SLC24A3: variants seen among roughly 807,000 people sequenced by gnomAD.
SLC24A3 encodes the protein sodium/potassium/calcium exchanger 3.
SLC24A3 carries 28 observed loss-of-function variants against 75.8 expected under a neutral mutation model. The observed-to-expected ratio is 0.37, with a 90% CI of 0.27 to 0.51. The LOEUF (loss-of-function observed/expected upper bound fraction) is 0.51. Ranked by LOEUF, SLC24A3 falls within the 20% of genes least tolerant of loss-of-function variation. The pLI, the probability that SLC24A3 is intolerant of heterozygous loss-of-function variation, is 0.94. For synonymous variants in SLC24A3, 372 were observed against 334.1 expected (o/e 1.11, Z -1.24); for missense variants, 663 against 847.8 (o/e 0.78, Z 2.71).
At chr20:19,692,416 C>T (rs1324547078) in intron 12 of SLC24A3, among the ~76,000 whole-genome samples, 2 of 152,178 alleles carry the variant, frequency 1.3e-5, no homozygotes, top group Non-Finnish European at 2.9e-5. Context: ...AATCGTAGCA[C>T]ATTCATAGGA....
chr20:19,452,025 T>C (rs1987490134), intron 2 of SLC24A3, among the ~76,000 whole-genome samples: 1 of 152,218 alleles, frequency 6.6e-6, no homozygotes, highest in Non-Finnish European at 1.5e-5. Context: ...GTGGCTATTT[T>C]CAGAAGCTCA....
intron 3 of SLC24A3, among the ~76,000 whole-genome samples, chr20:19,565,638 C>A (rs2030945300): frequency 6.6e-6 from 1 of 152,176 alleles, no homozygotes; most frequent in Admixed American, 6.5e-5. Context: ...TACTTCTGAG[C>A]AACCCAACCA....
At chr20:19,234,642 C>T (rs1982112807) in intron 1 of SLC24A3, among the ~76,000 whole-genome samples, 1 of 152,136 alleles carries the variant, frequency 6.6e-6, no homozygotes, top group Non-Finnish European at 1.5e-5. Flanking sequence ...TGGATGGTGG[C>T]TTTGCTGACT....
chr20:19,414,208 G>A (rs1986792121), intron 2 of SLC24A3, among the ~76,000 whole-genome samples: 1 of 152,138 alleles, frequency 6.6e-6, no homozygotes, highest in Non-Finnish European at 1.5e-5. Flanking sequence ...CTCAGGAGAG[G>A]CACAGATTTT....
At chr20:19,486,025 TG>T (rs1353914651) in intron 2 of SLC24A3, among the ~76,000 whole-genome samples, 1 of 151,992 alleles carries the variant, frequency 6.6e-6, no homozygotes, top group Non-Finnish European at 1.5e-5. Flanking sequence ...AGCTGCAGTG[TG>T]GGGGTGTGGG....
intron 2 of SLC24A3, among the ~76,000 whole-genome samples, chr20:19,377,196 A>C (rs1986098978): frequency 1.3e-5 from 2 of 152,114 alleles, no homozygotes; most frequent in African/African-American, 4.8e-5. Context: ...TCCACATGAA[A>C]ATTTGAACGT....
chr20:19,336,197 C>T (rs1190221776), intron 2 of SLC24A3, among the ~76,000 whole-genome samples: 5 of 152,080 alleles, frequency 3.3e-5, no homozygotes, highest in African/African-American at 9.7e-5. Context: ...GGCCAGGGCT[C>T]GGGAAACTAC....
intron 2 of SLC24A3, among the ~76,000 whole-genome samples, chr20:19,355,959 T>C (rs1024156241): frequency 2.6e-5 from 4 of 152,162 alleles, no homozygotes; most frequent in African/African-American, 9.7e-5. Context: ...AACATATGTA[T>C]TTTGCTCAAT....
At chr20:19,676,188 T>C (rs540581087) in intron 9 of SLC24A3, among the ~76,000 whole-genome samples, 5 of 152,338 alleles carry the variant, frequency 3.3e-5, no homozygotes, top group African/African-American at 1.2e-4. Context: ...ATGCATCTTA[T>C]AGCCACTGCT....
intron 1 of SLC24A3, among the ~76,000 whole-genome samples, chr20:19,258,687 G>T (rs1177982574): frequency 6.6e-6 from 1 of 151,728 alleles, no homozygotes; most frequent in Non-Finnish European, 1.5e-5. Context: ...GGGTGACAGA[G>T]TGAGACTCTG....
At chr20:19,672,723 G>A (rs190039129) in intron 8 of SLC24A3, among the ~76,000 whole-genome samples, 3 of 152,258 alleles carry the variant, frequency 2.0e-5, no homozygotes, top group Non-Finnish European at 2.9e-5. Flanking sequence ...CTTCCTTCCA[G>A]CTTTTCACTT....
intron 1 of SLC24A3, among the ~76,000 whole-genome samples, chr20:19,272,927 T>C (rs1286827029): frequency 6.6e-6 from 1 of 152,102 alleles, no homozygotes; most frequent in Non-Finnish European, 1.5e-5. Context: ...GGACAGGTTT[T>C]TGTGAAGGAA....
intron 1 of SLC24A3, among the ~76,000 whole-genome samples, chr20:19,221,360 C>T (rs77706773): frequency 6.6e-5 from 10 of 152,290 alleles, no homozygotes; most frequent in Middle Eastern, 3.4e-3. Context: ...CTGTCATCTT[C>T]CCATTGCCCT....
intron 1 of SLC24A3, among the ~76,000 whole-genome samples, chr20:19,252,552 G>T (rs1440466581): frequency 6.7e-6 from 1 of 150,018 alleles, no homozygotes; most frequent in Non-Finnish European, 1.5e-5. Flanking sequence ...CAGAGGGGTT[G>T]TTTCATCTTT....
chr20:19,566,913 A>G (rs1372189485), intron 3 of SLC24A3, among the ~76,000 whole-genome samples: 1 of 152,242 alleles, frequency 6.6e-6, no homozygotes, highest in Non-Finnish European at 1.5e-5. Flanking sequence ...AAAAATGCTC[A>G]ACATCACTAC....
chr20:19,212,880 G>T lies in SLC24A3; in HGVS notation c.38G>T (p.Arg13Leu), dbSNP rs1251305123. Reference protein sequence around the residue: ...PSGDEDRARRRRRRRRRRDLL... With the variant: ...PSGDEDRARRLRRRRRRRDLL... ...GGCGACGAGGACCGCGCGCGTCGCC[G>T]CCGCCGCCGCCGCCGCCGGAGGGAC... Residue 13 changes from arginine to leucine, a missense_variant, in exon 1 of 17, where the codon CGC becomes CTC. Arg to Leu is a moderately radical substitution (Grantham distance 102). Coordinates refer to ENST00000328041, the MANE Select transcript of SLC24A3 (RefSeq NM_020689.4). The T allele has an allele frequency of 7.8e-7, 1 of 1,274,770 alleles. No individual in the cohort carries two copies. Among genetic ancestry groups the T allele is most frequent in the African/African-American group, 1.6e-5 (1 of 64,404 alleles). 79.0% of individuals were successfully genotyped at this position (1,274,770 alleles called of 1,614,324 possible).
intron 6 of SLC24A3, among the ~76,000 whole-genome samples, chr20:19,593,144 A>C (rs1457377493): frequency 1.3e-5 from 2 of 152,232 alleles, no homozygotes; most frequent in Non-Finnish European, 2.9e-5. Flanking sequence ...CCATCATGGC[A>C]GCTGAGCACT....
intron 3 of SLC24A3, among the ~76,000 whole-genome samples, chr20:19,520,231 A>G (rs2030073971): frequency 6.6e-6 from 1 of 152,196 alleles, no homozygotes. Context: ...AAGACATATC[A>G]AGGAGAATAT....
intron 2 of SLC24A3, among the ~76,000 whole-genome samples, chr20:19,353,164 A>G (rs1985608053): frequency 6.6e-6 from 1 of 152,208 alleles, no homozygotes; most frequent in African/African-American, 2.4e-5. Context: ...ACAACCATGA[A>G]ATCATCAAAA....
Sources: gnomAD v4.1 joint callset for allele counts (sites outside exome capture counted in the v4.1 genomes callset) on GRCh38, gnomAD v4.1.1 for gene constraint, MANE v1.5 for transcripts, NCBI Gene and HGNC (gene_info 2026-07-23, HGNC 2026-07-21) for gene names.